HEATR5A: variants seen among roughly 807,000 people sequenced by gnomAD.
HEATR5A encodes HEAT repeat containing 5A.
A neutral mutation model predicts 218.8 loss-of-function variants in HEATR5A; 178 were observed. The ratio of observed to expected loss-of-function variants is 0.81; its 90% CI spans 0.72 to 0.92. The LOEUF is 0.92. HEATR5A is among the 40% of genes least tolerant of loss of function. The probability of loss-of-function intolerance (pLI) is 0.00; values close to 1 mark genes in which losing one functional copy is unlikely to be tolerated. For missense variants in HEATR5A, 2,420 were observed against 2,418.9 expected, an observed-to-expected ratio of 1.00 and a Z score of -0.01; for synonymous variants, 864 against 871.6, an observed-to-expected ratio of 0.99 and a Z score of 0.15.
intron 11 of HEATR5A, among the ~76,000 whole-genome samples, chr14:31,379,197 C>T (rs1803060594): frequency 6.6e-6 from 1 of 151,744 alleles, no homozygotes; most frequent in Non-Finnish European, 1.5e-5. Context: ...ATCCGCCCGC[C>T]TAGGCCTCCC....
At chr14:31,305,242 T>C in intron 31 of HEATR5A, 65 bp from the exon 32 acceptor site, 3 of 1,497,702 alleles carry the variant, frequency 2.0e-6, no homozygotes, top group Non-Finnish European at 2.7e-6. Context: ...GCAATTTAGT[T>C]AAATCCTGTT....
chr14:31,351,700 C>G (rs1445293226), intron 16 of HEATR5A, among the ~76,000 whole-genome samples: 1 of 151,960 alleles, frequency 6.6e-6, no homozygotes, highest in Non-Finnish European at 1.5e-5. Flanking sequence ...CAGCCTCGAC[C>G]TCCTGGGCTT....
rs147758081 is a variant in HEATR5A, at chr14:31,402,187, A to G, written c.126+663T>C. Among the ~76,000 whole-genome samples the G allele has an allele frequency of 2.1e-3, 314 of 152,316 alleles. 2 individuals are homozygous for G. The highest frequency in any genetic ancestry group is 7.3e-3 in the African/African-American group (302 of 41,572). On this transcript the variant is annotated intron_variant, in intron 2 of 35. Transcript: ENST00000543095. ...ATAAAATGTCTTCTGTTAAATTCTA[A>G]ATGTCTCCATGAGTAGTGTTTTTCT... is the stretch of plus-strand genomic sequence containing the variant.
intron 1 of HEATR5A, 63 bp from the exon 2 acceptor site, chr14:31,403,112 A>G: frequency 1.3e-6 from 1 of 752,124 alleles, no homozygotes; most frequent in Non-Finnish European, 2.1e-6. Flanking sequence ...TCATAACGGA[A>G]ATCAGAAAAG....
chr14:31,306,958 A>G (rs1341482263), intron 30 of HEATR5A, 79 bp from the exon 31 acceptor site: 1 of 1,180,512 alleles, frequency 8.5e-7, no homozygotes, highest in Non-Finnish European at 1.2e-6. Flanking sequence ...GCTAAATGCC[A>G]TGACAAAATT....
chr14:31,323,091 C>A (rs74043923), intron 24 of HEATR5A, among the ~76,000 whole-genome samples: 5,000 of 152,168 alleles, frequency 0.033, 259 homozygotes, highest in African/African-American at 0.11. Flanking sequence ...TTTTTGAGAA[C>A]TAGTAAATGT....
At chr14:31,412,896 A>G (rs2031326481) in intron 1 of HEATR5A, among the ~76,000 whole-genome samples, 1 of 152,198 alleles carries the variant, frequency 6.6e-6, no homozygotes, top group African/African-American at 2.4e-5. Context: ...GTGTTATTCT[A>G]TAATTGTAAG....
intron 26 of HEATR5A, 74 bp from the exon 27 acceptor site, chr14:31,316,023 C>T: frequency 8.3e-7 from 1 of 1,201,526 alleles, no homozygotes; most frequent in Non-Finnish European, 1.1e-6. Flanking sequence ...GTGGCTCATG[C>T]CTGTAATCCC....
chr14:31,387,436 A>C, intron 7 of HEATR5A, 61 bp from the exon 8 acceptor site: 1 of 1,172,170 alleles, frequency 8.5e-7, no homozygotes, highest in Non-Finnish European at 1.2e-6. Context: ...ATTCTCCCCC[A>C]CAAAACATGT....
intron 16 of HEATR5A, among the ~76,000 whole-genome samples, chr14:31,356,791 G>T (rs1655780642): frequency 6.6e-6 from 1 of 151,986 alleles, no homozygotes; most frequent in Non-Finnish European, 1.5e-5. Flanking sequence ...AATCCGAAAA[G>T]AAAACTTCTC....
intron 10 of HEATR5A, among the ~76,000 whole-genome samples, chr14:31,383,123 A>T (rs545058277): frequency 2.6e-5 from 4 of 152,306 alleles, no homozygotes; most frequent in African/African-American, 9.6e-5. Context: ...TCAAAAAAAT[A>T]AAATGAGTTC....
At chr14:31,320,372 G>C (rs1270120316) in intron 25 of HEATR5A, 4 of 936,224 alleles carry the variant, frequency 4.3e-6, no homozygotes, top group African/African-American at 3.2e-5. Flanking sequence ...GCCAAACACC[G>C]CTCCAATGCC....
chr14:31,336,643 T>C (rs1279441852), intron 22 of HEATR5A, among the ~76,000 whole-genome samples: 1 of 152,180 alleles, frequency 6.6e-6, no homozygotes, highest in Admixed American at 6.5e-5. Context: ...AGAAGGGGCA[T>C]TAAAAACTCT....
At chr14:31,325,474 A>G (rs1175104711) in intron 23 of HEATR5A, among the ~76,000 whole-genome samples, 1 of 151,278 alleles carries the variant, frequency 6.6e-6, no homozygotes, top group Non-Finnish European at 1.5e-5. Context: ...TGGGGTGGGT[A>G]TGTATGAACA....
intron 11 of HEATR5A, among the ~76,000 whole-genome samples, chr14:31,379,644 C>T (rs1375450291): frequency 6.6e-6 from 1 of 152,130 alleles, no homozygotes; most frequent in African/African-American, 2.4e-5. Context: ...TTCATTAGCA[C>T]CATAAGACTG....
chr14:31,329,784 C>T (rs1900401697), intron 22 of HEATR5A, among the ~76,000 whole-genome samples: 1 of 152,202 alleles, frequency 6.6e-6, no homozygotes, highest in African/African-American at 2.4e-5. Flanking sequence ...ATGGTCTCGG[C>T]TCACCGCAAC....
chr14:31,358,615 C>G (rs759553427), intron 16 of HEATR5A, 22 bp downstream of exon 16: 37 of 1,602,852 alleles, frequency 2.3e-5, no homozygotes, highest in East Asian at 1.8e-4. Context: ...TATCCATTCA[C>G]TGAACCATTG....
chr14:31,337,716 A>C, intron 21 of HEATR5A, 102 bp from the exon 22 acceptor site: 1 of 929,482 alleles, frequency 1.1e-6, no homozygotes, highest in Non-Finnish European at 1.6e-6. Context: ...TGTCCAGCCC[A>C]TCAGTGGGCT....
At chr14:31,416,945 T>C (rs2031471084) in intron 1 of HEATR5A, among the ~76,000 whole-genome samples, 2 of 151,878 alleles carry the variant, frequency 1.3e-5, no homozygotes, top group African/African-American at 4.8e-5. Flanking sequence ...CTACAAAAAA[T>C]ACAAAATATT....
Sources: gnomAD v4.1 joint callset for allele counts (sites outside exome capture counted in the v4.1 genomes callset) on GRCh38, gnomAD v4.1.1 for gene constraint, MANE v1.5 for transcripts, NCBI Gene and HGNC (gene_info 2026-07-23, HGNC 2026-07-21) for gene names.